COQ5: variants seen among roughly 807,000 people sequenced by gnomAD.
COQ5 encodes the protein 2-methoxy-6-polyprenyl-1,4-benzoquinol methylase, mitochondrial.
Under a neutral mutation model 40.5 loss-of-function variants are expected in COQ5, and 27 were observed. The observed-to-expected ratio is 0.67, with a 90% CI of 0.49 to 0.92. The LOEUF is 0.92. Among genes scored for constraint, COQ5 ranks in the 40% least tolerant of loss-of-function variants. The pLI, the probability that COQ5 is intolerant of heterozygous loss-of-function variation, is 0.00. For synonymous variants in COQ5, 141 were observed against 150.0 expected (o/e 0.94, Z 0.44); for missense variants, 409 against 406.4 (o/e 1.01, Z -0.06).
intron 3 of COQ5, 46 bp from the exon 4 acceptor site, chr12:120,510,169 T>C (rs1366160839): frequency 2.1e-6 from 3 of 1,440,664 alleles, no homozygotes; most frequent in East Asian, 4.5e-5. Flanking sequence ...GTAGCTGTTT[T>C]TCCTGCCCCC....
intron 2 of COQ5, among the ~76,000 whole-genome samples, chr12:120,520,799 A>G (rs1869611152): frequency 6.6e-6 from 1 of 151,960 alleles, no homozygotes; most frequent in Non-Finnish European, 1.5e-5. Flanking sequence ...ACCAAGACGC[A>G]TTGTGTAAAA....
chr12:120,522,441 CT>C, intron 1 of COQ5, 78 bp from the exon 2 acceptor site: 2 of 1,425,448 alleles, frequency 1.4e-6, no homozygotes, highest in Non-Finnish European at 9.9e-7. Flanking sequence ...AAGGAGGAAG[CT>C]TTTTTCCCCT....
intron 2 of COQ5, among the ~76,000 whole-genome samples, chr12:120,520,140 T>TTTA (rs1225451352): frequency 2.6e-5 from 4 of 151,016 alleles, no homozygotes; most frequent in Admixed American, 6.6e-5. Flanking sequence ...TATGTATTTA[T>TTTA]TTATTATTAT....
At chr12:120,511,039 G>A (rs961470679) in intron 3 of COQ5, among the ~76,000 whole-genome samples, 1 of 152,076 alleles carries the variant, frequency 6.6e-6, no homozygotes, top group Non-Finnish European at 1.5e-5. Context: ...GGGAAGCTGA[G>A]GGAGGCAGAT....
Position 120,528,986 on chromosome 12 carries a change from C to G in COQ5, c.156G>C (p.Thr52=). Residue 52 remains threonine (T), a synonymous_variant, in exon 1 of 7, where the codon ACG becomes ACC. Transcript: ENST00000288532. ...CCGACACAGTCTCAAACCCAAAGTGCGTTTCCGCTGCCCGCTTCTCTTGGG... is the reference window on the plus strand; with the variant it reads ...CCGACACAGTCTCAAACCCAAAGTGGGTTTCCGCTGCCCGCTTCTCTTGGG... ...LLSQEKRAAE[T]HFGFETVSEE... 6.2e-7 allele frequency: 1 copy of G among 1,614,130 alleles called. No homozygotes were observed. The highest frequency in any genetic ancestry group is 8.5e-7 in the Non-Finnish European group (1 of 1,180,014).
At chr12:120,505,147 C>T (rs1042286327) in intron 4 of COQ5, among the ~76,000 whole-genome samples, 164 bp from the exon 5 acceptor site, 4 of 152,210 alleles carry the variant, frequency 2.6e-5, no homozygotes, top group Admixed American at 6.5e-5. Flanking sequence ...AATAACCCTA[C>T]GTATCCCAAA....
At chr12:120,524,645 G>C (rs1295507985) in intron 1 of COQ5, among the ~76,000 whole-genome samples, 2 of 152,164 alleles carry the variant, frequency 1.3e-5, no homozygotes, top group Non-Finnish European at 2.9e-5. Flanking sequence ...CTCCCTGCCA[G>C]AAGGCTGAAT....
chr12:120,527,563 C>G (rs1870007949), intron 1 of COQ5, among the ~76,000 whole-genome samples: 1 of 152,120 alleles, frequency 6.6e-6, no homozygotes, highest in Admixed American at 6.6e-5. Flanking sequence ...CTGTGCACAG[C>G]GAGGACTGTC....
rs1221755392 is a variant in COQ5, at chr12:120,503,843, C to T, written c.925G>A (p.Val309Met). The change falls in exon 7 of 7, where the codon GTG becomes ATG. Residue 309 changes from valine to methionine, a missense_variant. Physicochemically the swap from Val to Met is conservative, Grantham distance 21. Transcript: ENST00000288532. ...CCTGATGTTAGACTTTCGTAAGTCA[C>T]CTTGTGAAAGCCTGCATCTTCTATC... is the stretch of plus-strand genomic sequence containing the variant. ...DMIEDAGFHKVTYESLTSGIV... is the reference protein window; with the variant it reads ...DMIEDAGFHKMTYESLTSGIV... 2 of 1,614,154 alleles carry T rather than the reference C, an allele frequency of 1.2e-6. No homozygotes were observed. The highest frequency in any genetic ancestry group is 1.7e-6 in the Non-Finnish European group (2 of 1,179,990).
At chr12:120,526,255 T>C (rs904727984) in intron 1 of COQ5, among the ~76,000 whole-genome samples, 1 of 152,190 alleles carries the variant, frequency 6.6e-6, no homozygotes, top group Non-Finnish European at 1.5e-5. Context: ...CTTTCAGTGA[T>C]AAAGCACACG....
At chr12:120,505,440 T>G (rs1301854351) in intron 4 of COQ5, among the ~76,000 whole-genome samples, 2 of 152,084 alleles carry the variant, frequency 1.3e-5, no homozygotes, top group African/African-American at 4.8e-5. Context: ...CAGACTGGAG[T>G]GCAGTGGTGT....
intron 2 of COQ5, among the ~76,000 whole-genome samples, chr12:120,519,870 C>CAA (rs1176340696): frequency 2.0e-5 from 2 of 99,176 alleles, no homozygotes; most frequent in African/African-American, 7.7e-5. Flanking sequence ...GACTTGGACT[C>CAA]AAAAAAAAAA....
intron 1 of COQ5, among the ~76,000 whole-genome samples, chr12:120,526,151 T>C (rs186555583): frequency 1.4e-4 from 21 of 152,298 alleles, no homozygotes; most frequent in Admixed American, 3.3e-4. Flanking sequence ...CAGCAACCAA[T>C]CACGCACTTC....
rs778498312 is a variant in COQ5, at chr12:120,516,635, A to G, written c.506T>C (p.Val169Ala). The change falls in exon 3 of 7, where the codon GTG (valine) becomes GCG (alanine). Residue 169 changes from valine to alanine, a missense_variant. Coordinates refer to ENST00000288532, the MANE Select transcript of COQ5 (RefSeq NM_032314.4). ...TAGCATCTCCTTGTTGATGTCACACACCACGACACGAGACCCGCCCAAGGA... is the reference window on the plus strand; with the variant it reads ...TAGCATCTCCTTGTTGATGTCACACGCCACGACACGAGACCCGCCCAAGGA... The part of the protein sequence containing the change: ...EDSLGGSRVV[V>A]CDINKEMLKV... The G allele has an allele frequency of 5.6e-6, 9 of 1,614,046 alleles. No individual in the cohort carries two copies. Among genetic ancestry groups the G allele is most frequent in the African/African-American group, 1.3e-5 (1 of 74,916 alleles).
intron 1 of COQ5, among the ~76,000 whole-genome samples, chr12:120,525,354 C>T (rs1331044181): frequency 6.6e-6 from 1 of 152,118 alleles, no homozygotes; most frequent in Non-Finnish European, 1.5e-5. Flanking sequence ...ACCTCAGCCT[C>T]CCAAAGTACT....
rs1593029559 is a variant in COQ5 at position 120,529,152 on chromosome 12, G to C, written c.-11C>G. 1.9e-6 allele frequency: 3 copies of C among 1,608,342 alleles called. No homozygotes were observed. The highest frequency in any genetic ancestry group is 1.3e-5 in the African/African-American group (1 of 74,954). ...CCCGGGGGCCGCCATCTTGGTAGTC[G>C]AGTGACAACGGCCAGAGAGTACGCC... is the stretch of plus-strand genomic sequence containing the variant. On this transcript the variant is annotated 5_prime_UTR_variant, in exon 1 of 7. Coordinates refer to ENST00000288532, the MANE Select transcript of COQ5 (RefSeq NM_032314.4).
At position 120,504,929 on chromosome 12, in the gene COQ5, C is replaced by G. The variant is rs749890516; in HGVS notation, c.736G>C (p.Glu246Gln). The change falls in exon 5 of 7, where the codon GAA becomes CAA. Residue 246 changes from glutamate (E) to glutamine (Q), a missense_variant. Coordinates refer to ENST00000288532, the MANE Select transcript of COQ5 (RefSeq NM_032314.4). ...LKPGGRFLCLEFSQVNNPLIS... is the reference protein window; with the variant it reads ...LKPGGRFLCLQFSQVNNPLIS... ...AGGGGATTGTTCACTTGGCTAAATTCCAGACAGAGAAACCGTCCTCCTGGT... is the reference window on the plus strand; with the variant it reads ...AGGGGATTGTTCACTTGGCTAAATTGCAGACAGAGAAACCGTCCTCCTGGT... 1 of 1,614,154 alleles carries G rather than the reference C, an allele frequency of 6.2e-7. No individual in the cohort carries two copies. The highest frequency in any genetic ancestry group is 8.5e-7 in the Non-Finnish European group (1 of 1,180,034).
intron 4 of COQ5, chr12:120,509,796 TG>T (rs1869045000): frequency 1.8e-6 from 1 of 553,436 alleles, no homozygotes. Context: ...TCTCTCTCCC[TG>T]GGTGTGGTGG....
At position 120,522,369 on chromosome 12, in the gene COQ5, A is replaced by C; in HGVS notation, c.203-6T>G. ...ACTTTCAAACACCTGATAGACTGAC[A>C]TGGGAGAAACACACACAATAGTGCT... is the stretch of plus-strand genomic sequence containing the variant. On this transcript the variant is annotated splice_region_variant and splice_polypyrimidine_tract_variant and intron_variant, in intron 1 of 6. Transcript: ENST00000288532. The C allele has an allele frequency of 1.9e-6, 3 of 1,612,898 alleles. No individual in the cohort carries two copies. Among genetic ancestry groups the C allele is most frequent in the Non-Finnish European group, 1.7e-6 (2 of 1,178,866 alleles).
Sources: gnomAD v4.1 joint callset for allele counts (sites outside exome capture counted in the v4.1 genomes callset) on GRCh38, gnomAD v4.1.1 for gene constraint, MANE v1.5 for transcripts, NCBI Gene and HGNC (gene_info 2026-07-23, HGNC 2026-07-21) for gene names.